The following NLGN1 variants were observed in gnomAD, a reference collection of about 807,000 sequenced individuals.
NLGN1 encodes the protein neuroligin 1, also known as neuroligin-1.
NLGN1 carries 12 observed loss-of-function variants against 65.5 expected under a neutral mutation model. The ratio of observed to expected loss-of-function variants is 0.18; its 90% CI spans 0.12 to 0.30. The LOEUF is 0.30. Ranked by LOEUF, NLGN1 falls within the 10% of genes least tolerant of loss-of-function variation. NLGN1 has a pLI of 1.00. For synonymous variants in NLGN1, 350 were observed against 359.5 expected, an observed-to-expected ratio of 0.97 and a Z score of 0.30; for missense variants, 750 against 1,007.1, an observed-to-expected ratio of 0.74 and a Z score of 3.46.
At chr3:173,625,047 C>T (rs907119162) in intron 3 of NLGN1, among the ~76,000 whole-genome samples, 10 of 152,004 alleles carry the variant, frequency 6.6e-5, no homozygotes, top group South Asian at 2.1e-4. Flanking sequence ...CTTACCTTTT[C>T]CCTGATTTTA....
chr3:173,678,374 G>C (rs776475832), intron 3 of NLGN1, among the ~76,000 whole-genome samples: 4 of 152,088 alleles, frequency 2.6e-5, no homozygotes, highest in Non-Finnish European at 2.9e-5. Flanking sequence ...AGAGGGAAGA[G>C]AAAAGGCCAT....
chr3:174,265,782 T>TATATATATATATAC (rs66906566), intron 4 of NLGN1, among the ~76,000 whole-genome samples: 20 of 101,110 alleles, frequency 2.0e-4, no homozygotes, highest in African/African-American at 9.0e-4. Flanking sequence ...TATATATATA[T>TATATATATATATAC]GTATATATAT....
intron 2 of NLGN1, among the ~76,000 whole-genome samples, chr3:173,469,390 C>A (rs1455557217): frequency 6.6e-6 from 1 of 152,086 alleles, no homozygotes; most frequent in Non-Finnish European, 1.5e-5. Context: ...CTCCAAGTTA[C>A]ACTGATGATC....
intron 4 of NLGN1, among the ~76,000 whole-genome samples, chr3:173,827,627 ATATGTGTGTGTG>A (rs771307097): frequency 1.4e-5 from 1 of 71,798 alleles, no homozygotes; most frequent in Non-Finnish European, 2.8e-5. Context: ...TATATTTATG[ATATGTGTGTGTG>A]TGTGTGTGTG....
At chr3:173,577,903 A>G (rs747033861) in intron 2 of NLGN1, among the ~76,000 whole-genome samples, 5 of 152,222 alleles carry the variant, frequency 3.3e-5, no homozygotes, top group Non-Finnish European at 5.9e-5. Flanking sequence ...AGATAGAGAC[A>G]GAGAGACAAG....
chr3:173,635,610 T>G (rs1351526903), intron 3 of NLGN1, among the ~76,000 whole-genome samples: 2 of 152,140 alleles, frequency 1.3e-5, no homozygotes, highest in East Asian at 3.8e-4. Flanking sequence ...TGGAAATAAA[T>G]GATCACCCGG....
At chr3:173,584,675 A>G (rs1050624099) in intron 2 of NLGN1, 1 of 150,708 alleles carries the variant, frequency 6.6e-6, no homozygotes, top group African/African-American at 2.4e-5. Context: ...TGATGGTCGG[A>G]TTTACATGGA....
chr3:173,703,700 A>G (rs77221515), intron 3 of NLGN1, among the ~76,000 whole-genome samples: 3 of 152,198 alleles, frequency 2.0e-5, no homozygotes, highest in East Asian at 3.9e-4. Context: ...ATCCATGGAG[A>G]TAGTGTCATA....
chr3:173,714,917 G>A (rs182800042), intron 3 of NLGN1, among the ~76,000 whole-genome samples: 7 of 152,178 alleles, frequency 4.6e-5, no homozygotes, highest in African/African-American at 1.4e-4. Flanking sequence ...CAGAGTAATC[G>A]CAGGAGAATA....
chr3:174,287,963 A>G (rs1405410296), downstream of NLGN1, among the ~76,000 whole-genome samples: 1 of 151,514 alleles, frequency 6.6e-6, no homozygotes, highest in Non-Finnish European at 1.5e-5. Flanking sequence ...CTTTCAACAA[A>G]TGTTGTCTAC....
intron 4 of NLGN1, among the ~76,000 whole-genome samples, chr3:173,928,672 AT>A (rs34589178): frequency 0.038 from 5,077 of 134,452 alleles, 134 homozygotes; most frequent in African/African-American, 0.085. Flanking sequence ...GACATAGTTA[AT>A]TTTTTTTTTT....
At chr3:173,416,930 T>C (rs945573501) in intron 1 of NLGN1, among the ~76,000 whole-genome samples, 2 of 152,160 alleles carry the variant, frequency 1.3e-5, no homozygotes, top group African/African-American at 4.8e-5. Flanking sequence ...AATAAATCTT[T>C]ATGATACCAT....
At chr3:173,442,553 G>A (rs1719403845) in intron 2 of NLGN1, among the ~76,000 whole-genome samples, 2 of 152,138 alleles carry the variant, frequency 1.3e-5, no homozygotes. Context: ...TGACTGGATA[G>A]GGATGTTTGT....
At chr3:173,606,056 A>T (rs1208194775) in intron 3 of NLGN1, among the ~76,000 whole-genome samples, 1 of 152,030 alleles carries the variant, frequency 6.6e-6, no homozygotes. Context: ...GGACTTTCTC[A>T]TCCTAAGGAT....
intron 4 of NLGN1, among the ~76,000 whole-genome samples, chr3:174,203,232 G>A (rs542892415): frequency 6.6e-6 from 1 of 152,124 alleles, no homozygotes; most frequent in Non-Finnish European, 1.5e-5. Flanking sequence ...TTTCTGCCCT[G>A]TGCAGTCTCT....
At chr3:173,567,017 G>T (rs9809792) in intron 2 of NLGN1, among the ~76,000 whole-genome samples, 71,544 of 151,790 alleles carry the variant, frequency 0.47, 16,513 homozygotes, top group East Asian at 0.73. Context: ...TGGATCTCAT[G>T]CTGTGCCCTT....
chr3:174,162,520 A>G (rs1365454258), intron 4 of NLGN1, among the ~76,000 whole-genome samples: 1 of 151,936 alleles, frequency 6.6e-6, no homozygotes, highest in East Asian at 1.9e-4. Context: ...TTTAAGAGCA[A>G]CTGCTATCAA....
At chr3:173,918,307 A>G (rs1014405053) in intron 4 of NLGN1, among the ~76,000 whole-genome samples, 1 of 152,132 alleles carries the variant, frequency 6.6e-6, no homozygotes, top group Non-Finnish European at 1.5e-5. Flanking sequence ...AGCTTGCTAC[A>G]CATCTACAAA....
intron 4 of NLGN1, among the ~76,000 whole-genome samples, chr3:173,833,362 C>CT (rs1388729104): frequency 2.0e-5 from 3 of 151,854 alleles, no homozygotes; most frequent in African/African-American, 7.3e-5. Context: ...ATTTAATATA[C>CT]TTTTTTTCCT....
Sources: allele counts gnomAD v4.1 joint callset (sites outside exome capture counted in the v4.1 genomes callset), GRCh38; gene constraint gnomAD v4.1.1; transcripts MANE v1.5; gene names NCBI Gene and HGNC (gene_info 2026-07-23, HGNC 2026-07-21).